Variants in CHLSN observed in about 807,000 individuals in gnomAD.
The protein encoded by CHLSN is protein cholesin.
At chr7:998,952 G>A in the CHLSN span, among the ~76,000 whole-genome samples, 1 of 152,148 alleles carries the variant, frequency 6.6e-6, no homozygotes, top group African/African-American at 2.4e-5. Context: ...GAAGCTGGGG[G>A]CTGCGTGCAT....
chr7:1,019,352 T>C, the CHLSN span, among the ~76,000 whole-genome samples: 1 of 151,904 alleles, frequency 6.6e-6, no homozygotes, highest in Non-Finnish European at 1.5e-5. Context: ...TGTTGTTCAA[T>C]GGTTCTATAG....
chr7:1,117,332 C>T, the CHLSN span, among the ~76,000 whole-genome samples: 6 of 92,708 alleles, frequency 6.5e-5, no homozygotes, highest in South Asian at 3.6e-4. Context: ...CTTCCATCAC[C>T]GACGCCCACG....
At chr7:987,239 G>C in the CHLSN span, 5 of 1,527,036 alleles carry the variant, frequency 3.3e-6, no homozygotes, top group East Asian at 1.2e-4. Context: ...GCACCCGGAC[G>C]TGCAGGGTGA....
the CHLSN span, among the ~76,000 whole-genome samples, chr7:981,522 T>G: frequency 1.3e-5 from 2 of 151,550 alleles, no homozygotes; most frequent in African/African-American, 4.9e-5. Flanking sequence ...GAGACTGTCC[T>G]GGCCAACATG....
chr7:1,027,653 G>A, the CHLSN span, among the ~76,000 whole-genome samples: 3 of 152,286 alleles, frequency 2.0e-5, no homozygotes, highest in Non-Finnish European at 4.4e-5. Context: ...CTTTGCTTTA[G>A]TTGACACAGC....
chr7:1,050,059 T>C, the CHLSN span, among the ~76,000 whole-genome samples: 1 of 152,002 alleles, frequency 6.6e-6, no homozygotes, highest in Admixed American at 6.5e-5. Context: ...CAGGGCCCCC[T>C]CAGCGGGCCC....
At chr7:1,099,050 C>A in the CHLSN span, among the ~76,000 whole-genome samples, 1 of 152,280 alleles carries the variant, frequency 6.6e-6, no homozygotes, top group African/African-American at 2.4e-5. Flanking sequence ...GTTCCTGCAG[C>A]TGGCCTTCCT....
chr7:1,014,271 G>A, the CHLSN span, among the ~76,000 whole-genome samples: 1 of 152,246 alleles, frequency 6.6e-6, no homozygotes, highest in Non-Finnish European at 1.5e-5. Context: ...CAGAGAAGCT[G>A]ACACTGTTTG....
At chr7:1,055,547 G>A in the CHLSN span, 41 of 426,168 alleles carry the variant, frequency 9.6e-5, no homozygotes, top group African/African-American at 4.7e-4. Context: ...AGTACAGGCA[G>A]GAGAGGGGAC....
chr7:1,050,524 GC>G, the CHLSN span, among the ~76,000 whole-genome samples: 1 of 152,248 alleles, frequency 6.6e-6, no homozygotes, highest in Non-Finnish European at 1.5e-5. Flanking sequence ...CAAGTCCTGA[GC>G]CTGGGGCTCC....
chr7:1,116,393 C>G, the CHLSN span, among the ~76,000 whole-genome samples: 6 of 142,496 alleles, frequency 4.2e-5, no homozygotes, highest in Non-Finnish European at 7.5e-5. Context: ...CCGACGCCCA[C>G]GCAGGATGAT....
the CHLSN span, among the ~76,000 whole-genome samples, chr7:1,041,356 G>A: frequency 1.4e-4 from 15 of 110,242 alleles, no homozygotes; most frequent in African/African-American, 5.9e-4. Flanking sequence ...GCGGGGAAGG[G>A]GGCCTGGGGT....
the CHLSN span, among the ~76,000 whole-genome samples, chr7:1,048,210 G>C: frequency 1.8e-4 from 27 of 152,318 alleles, 1 homozygote; most frequent in East Asian, 4.8e-3. Context: ...GTGTGAAAGA[G>C]AGCACCCGGA....
chr7:1,136,193 T>A, the CHLSN span, among the ~76,000 whole-genome samples: 2 of 104,422 alleles, frequency 1.9e-5, no homozygotes, highest in Admixed American at 1.1e-4. Context: ...ATTATAAATA[T>A]ATACACAAAT....
chr7:1,088,688 C>T, the CHLSN span, among the ~76,000 whole-genome samples: 1 of 152,196 alleles, frequency 6.6e-6, no homozygotes, highest in Non-Finnish European at 1.5e-5. The surrounding 1 kb of genome is among the most constrained non-coding windows in gnomAD (Gnocchi z 4.5). Context: ...CCCTGAAGCC[C>T]TGGGAGGGCC....
At chr7:990,813 G>A in the CHLSN span, among the ~76,000 whole-genome samples, 260 of 152,262 alleles carry the variant, frequency 1.7e-3, 2 homozygotes, top group African/African-American at 6.0e-3. Context: ...GCCAGGTGGG[G>A]CCACGCGACG....
At chr7:1,041,906 C>T in the CHLSN span, among the ~76,000 whole-genome samples, 5 of 152,224 alleles carry the variant, frequency 3.3e-5, no homozygotes, top group East Asian at 1.9e-4. Context: ...GCTGACCTTC[C>T]GGACCGCCAC....
chr7:1,000,441 G>C, the CHLSN span: 2 of 1,241,390 alleles, frequency 1.6e-6, no homozygotes, highest in Non-Finnish European at 2.2e-6. Flanking sequence ...CAGCCCCCAG[G>C]AGACGTGCCT....
At chr7:1,104,459 G>A in the CHLSN span, among the ~76,000 whole-genome samples, 1 of 152,214 alleles carries the variant, frequency 6.6e-6, no homozygotes, top group Non-Finnish European at 1.5e-5. Flanking sequence ...ACACCTGAGA[G>A]GCCGGTGGCT....
Sources: gnomAD v4.1 joint callset for allele counts (sites outside exome capture counted in the v4.1 genomes callset) on GRCh38, gnomAD v4.1.1 for gene constraint, Gnocchi (gnomAD v3.1) non-coding constraint, MANE v1.5 for transcripts, NCBI Gene and HGNC (gene_info 2026-07-23, HGNC 2026-07-21) for gene names.